The following CDH2 variants were observed in gnomAD, a reference collection of about 807,000 sequenced individuals.
CDH2 encodes the protein cadherin 2, also known as cadherin-2.
In CDH2, 17 loss-of-function variants were observed where a neutral mutation model predicts 92.0. The ratio of observed to expected loss-of-function variants is 0.18; its 90% CI spans 0.13 to 0.28. The LOEUF (loss-of-function observed/expected upper bound fraction) is 0.28, where lower values mean the gene tolerates loss of function less well. Ranked by LOEUF, CDH2 falls within the 10% of genes least tolerant of loss-of-function variation. The pLI is 1.00. For synonymous variants in CDH2, 419 were observed against 415.9 expected, an observed-to-expected ratio of 1.01 and a Z score of -0.09; for missense variants, 862 against 1,133.1, an observed-to-expected ratio of 0.76 and a Z score of 3.44.
At chr18:27,943,423 T>C (rs1360422703) in intron 6 of CDH2, among the ~76,000 whole-genome samples, 1 of 152,228 alleles carries the variant, frequency 6.6e-6, no homozygotes, top group Non-Finnish European at 1.5e-5. Flanking sequence ...TACCTTAATA[T>C]GTATTTCATA....
At chr18:28,004,217 C>T (rs1192939990) in intron 6 of CDH2, among the ~76,000 whole-genome samples, 7 of 152,280 alleles carry the variant, frequency 4.6e-5, no homozygotes, top group Admixed American at 4.6e-4. Flanking sequence ...ACAATTTAAG[C>T]TCCAACAGGG....
Position 28,147,793 on chromosome 18 carries a change from C to CAA in CDH2, c.61-11_61-10dup, listed in dbSNP as rs750336831. On this transcript the variant is annotated splice_polypyrimidine_tract_variant and intron_variant, in intron 1 of 15. Coordinates refer to ENST00000269141, the MANE Select transcript of CDH2 (RefSeq NM_001792.5). The stretch of plus-strand genomic sequence containing the variant: ...GAAGCCTCTACAGACGCCTGCAACA[C>CAA]AAGAAAAAAAAAAAAAATGTGTGCA... The CAA allele has an allele frequency of 3.5e-6, 5 of 1,412,724 alleles. No individual in the cohort carries two copies. Among genetic ancestry groups the CAA allele is most frequent in the Admixed American group, 4.4e-5 (2 of 45,860 alleles). The allele number at this position is 1,412,724 out of a possible 1,614,324, so 87.5% of individuals were successfully genotyped here. A position where few individuals can be genotyped will look rare whatever the true frequency, so the allele number is the denominator to read the frequency against.
chr18:28,093,755 C>T (rs1182799309), intron 2 of CDH2, among the ~76,000 whole-genome samples: 1 of 152,152 alleles, frequency 6.6e-6, no homozygotes, highest in Non-Finnish European at 1.5e-5. Context: ...AAAACTAAAA[C>T]TTGAAACCTA....
At chr18:27,967,419 T>A (rs572799665) in intron 14 of CDH2, among the ~76,000 whole-genome samples, 17 of 152,274 alleles carry the variant, frequency 1.1e-4, no homozygotes, top group Middle Eastern at 3.4e-3. Context: ...ACATGTAGGA[T>A]GAGAATTATA....
intron 15 of CDH2, among the ~76,000 whole-genome samples, chr18:27,953,299 T>TTTTAATATAC (rs1360019781): frequency 1.3e-5 from 2 of 152,150 alleles, no homozygotes; most frequent in Non-Finnish European, 1.5e-5. Flanking sequence ...AGCAGATGCT[T>TTTTAATATAC]TTTAATATAC....
In CDH2 at chr18:27,996,488, T is replaced by C. The variant is rs536365865; in HGVS notation, c.1021-2851A>G. On this transcript the variant is annotated intron_variant, in intron 7 of 15. Transcript: ENST00000269141. ...CCCTTCATTCCAAGCCTGGCTAACATGCAGCTTACAAGTCACTTTGGAGAC... is the reference window on the plus strand; with the variant it reads ...CCCTTCATTCCAAGCCTGGCTAACACGCAGCTTACAAGTCACTTTGGAGAC... Among the ~76,000 whole-genome samples the C allele has an allele frequency of 2.0e-5, 3 of 152,290 alleles. No homozygotes were observed. In the South Asian group the frequency reaches 6.2e-4, roughly 32 times the overall value.
At chr18:28,012,131 G>A in intron 3 of CDH2, 139 bp from the exon 4 acceptor site, 3 of 644,308 alleles carry the variant, frequency 4.7e-6, no homozygotes, top group South Asian at 3.0e-5. Context: ...CCTTTTCCCT[G>A]GCCCCCTATT....
chr18:28,108,576 T>C lies in CDH2; in HGVS notation c.172+39097A>G, dbSNP rs993460716. The stretch of plus-strand genomic sequence containing the variant: ...CCTGTAACAGAACCCATCCAATTTA[T>C]GAGGAATTTCATAAAATCAAGTTTA... On this transcript the variant is annotated intron_variant, in intron 2 of 15. Coordinates refer to ENST00000269141, the MANE Select transcript of CDH2 (RefSeq NM_001792.5). 2.0e-5 allele frequency among the ~76,000 whole-genome samples: 3 copies of C among 152,166 alleles called. No homozygotes were observed. In the South Asian group the frequency reaches 6.2e-4, roughly 32 times the overall value.
intron 1 of CDH2, among the ~76,000 whole-genome samples, chr18:28,153,625 T>A (rs139726722): frequency 1.2e-3 from 190 of 152,326 alleles, no homozygotes; most frequent in Admixed American, 2.0e-3. Context: ...CAGGTCAGAC[T>A]GCCTGGCTTT....
intron 3 of CDH2, among the ~76,000 whole-genome samples, chr18:28,012,631 A>G (rs896170701): frequency 6.6e-6 from 1 of 152,168 alleles, no homozygotes; most frequent in African/African-American, 2.4e-5. Context: ...CAGTGCAAAT[A>G]TCCAAGCTAG....
intron 2 of CDH2, among the ~76,000 whole-genome samples, chr18:28,061,454 C>G (rs2014400251): frequency 1.3e-5 from 2 of 152,032 alleles, no homozygotes; most frequent in South Asian, 4.1e-4. Flanking sequence ...ACCAGCCTAG[C>G]CAACACGATG....
At chr18:28,106,154 CACCT>C (rs1443453513) in intron 2 of CDH2, among the ~76,000 whole-genome samples, 1 of 152,202 alleles carries the variant, frequency 6.6e-6, no homozygotes, top group African/African-American at 2.4e-5. Context: ...CAGTGGCTTA[CACCT>C]ATAATCCCAG....
At chr18:28,072,270 C>T (rs2014632302) in intron 2 of CDH2, among the ~76,000 whole-genome samples, 1 of 152,070 alleles carries the variant, frequency 6.6e-6, no homozygotes, top group South Asian at 2.1e-4. Context: ...CTTTCCTAAT[C>T]ACCTACCTGT....
At chr18:28,009,893 G>C (rs200025060) in intron 4 of CDH2, 21 bp from the exon 5 acceptor site, 4 of 1,585,434 alleles carry the variant, frequency 2.5e-6, no homozygotes, top group Non-Finnish European at 1.7e-6. Flanking sequence ...AGAAAACAAT[G>C]ACATTAAGTG....
chr18:28,082,907 C>A (rs1354705783), intron 2 of CDH2, among the ~76,000 whole-genome samples: 1 of 152,148 alleles, frequency 6.6e-6, no homozygotes, highest in Non-Finnish European at 1.5e-5. Flanking sequence ...TCTTTCCCAC[C>A]CTCCTGTGAC....
intron 2 of CDH2, among the ~76,000 whole-genome samples, chr18:28,052,714 C>T (rs2014216420): frequency 6.6e-6 from 1 of 152,178 alleles, no homozygotes; most frequent in African/African-American, 2.4e-5. Context: ...GCCAGACATT[C>T]TCAGGTGTGC....
chr18:27,975,668 T>C (rs2011802898), intron 14 of CDH2, among the ~76,000 whole-genome samples: 1 of 152,190 alleles, frequency 6.6e-6, no homozygotes, highest in African/African-American at 2.4e-5. Context: ...AGTGGGCCAT[T>C]TGCCTTGTTG....
At chr18:28,123,246 T>C (rs1568007189) in intron 2 of CDH2, among the ~76,000 whole-genome samples, 1 of 152,166 alleles carries the variant, frequency 6.6e-6, no homozygotes, top group Non-Finnish European at 1.5e-5. Context: ...TCCAAAGTGT[T>C]TTATTCATGC....
At chr18:28,165,169 C>T (rs1470581837) in intron 1 of CDH2, among the ~76,000 whole-genome samples, 1 of 152,168 alleles carries the variant, frequency 6.6e-6, no homozygotes, top group Non-Finnish European at 1.5e-5. Flanking sequence ...TATATGAAAG[C>T]ACTTCTCTTT....
Sources: gnomAD v4.1 joint callset for allele counts (sites outside exome capture counted in the v4.1 genomes callset) on GRCh38, gnomAD v4.1.1 for gene constraint, MANE v1.5 for transcripts, NCBI Gene and HGNC (gene_info 2026-07-23, HGNC 2026-07-21) for gene names.